HSDL2: variants seen among roughly 807,000 people sequenced by gnomAD.
HSDL2 encodes hydroxysteroid dehydrogenase like 2.
HSDL2 carries 27 observed loss-of-function variants against 46.3 expected under a neutral mutation model. The observed-to-expected ratio is 0.58, with a 90% CI of 0.43 to 0.80. The LOEUF (loss-of-function observed/expected upper bound fraction) is 0.80, where lower values mean the gene tolerates loss of function less well. Among genes scored for constraint, HSDL2 ranks in the 30% least tolerant of loss-of-function variants. The pLI, the probability that HSDL2 is intolerant of heterozygous loss-of-function variation, is 0.00. For synonymous variants in HSDL2, 153 were observed against 163.6 expected (o/e 0.94, Z 0.50); for missense variants, 451 against 502.7 (o/e 0.90, Z 0.98).
At chr9:112,396,903 A>G (rs1186475478) in intron 1 of HSDL2, among the ~76,000 whole-genome samples, 8 of 152,104 alleles carry the variant, frequency 5.3e-5, no homozygotes, top group Admixed American at 4.6e-4. Flanking sequence ...GGACCGCTTG[A>G]AGCAGAAATG....
At chr9:112,450,261 C>G (rs11788481) in intron 8 of HSDL2, among the ~76,000 whole-genome samples, 1 of 130,208 alleles carries the variant, frequency 7.7e-6, no homozygotes, top group African/African-American at 3.1e-5. Context: ...GAGACCCCCC[C>G]CCCATCTCTA....
intron 1 of HSDL2, among the ~76,000 whole-genome samples, chr9:112,398,691 A>G (rs1249160833): frequency 2.6e-5 from 4 of 152,090 alleles, no homozygotes; most frequent in Non-Finnish European, 5.9e-5. Context: ...AGCACTTACC[A>G]AGGCCCAATC....
chr9:112,397,140 G>A (rs979253849), intron 1 of HSDL2, among the ~76,000 whole-genome samples: 1 of 152,152 alleles, frequency 6.6e-6, no homozygotes, highest in Non-Finnish European at 1.5e-5. Context: ...TAATGGTGCA[G>A]TTTGTTCGAG....
At position 112,404,163 on chromosome 9, in the gene HSDL2, G is replaced by A. The variant is rs1416833715; in HGVS notation, c.181+5G>A. The A allele has an allele frequency of 1.9e-6, 3 of 1,612,658 alleles. No homozygotes were observed. Among genetic ancestry groups the A allele is most frequent in the Admixed American group, 3.3e-5 (2 of 59,836 alleles). ...TCTATACTGCTGCTGAAGAAAGTGA[G>A]TGTGACAGTGCCATTTGATAAAATG... is the stretch of plus-strand genomic sequence containing the variant. On this transcript the variant is annotated splice_donor_5th_base_variant and intron_variant, in intron 2 of 10. Transcript: ENST00000398805.
intron 4 of HSDL2, among the ~76,000 whole-genome samples, chr9:112,413,567 T>G: frequency 6.6e-6 from 1 of 152,204 alleles, no homozygotes. Flanking sequence ...ACAGAACACA[T>G]TTCTTTTTTA....
At chr9:112,443,883 CAGA>C (rs1832695313) in intron 8 of HSDL2, among the ~76,000 whole-genome samples, 2 of 152,338 alleles carry the variant, frequency 1.3e-5, no homozygotes, top group South Asian at 4.1e-4. Context: ...GAATCATAGT[CAGA>C]AGGTCATTTC....
chr9:112,442,107 T>TA, intron 8 of HSDL2, among the ~76,000 whole-genome samples: 1 of 149,172 alleles, frequency 6.7e-6, no homozygotes, highest in African/African-American at 2.5e-5. Flanking sequence ...ACAAAAAAAA[T>TA]ACAAAAAAAA....
At chr9:112,469,928 G>A (rs1833522418) in intron 10 of HSDL2, 1 of 152,232 alleles carries the variant, frequency 6.6e-6, no homozygotes, top group African/African-American at 2.4e-5. Flanking sequence ...CTATTTTAAT[G>A]CTTACATTTT....
intron 10 of HSDL2, 111 bp from the exon 11 acceptor site, chr9:112,470,321 T>A (rs567807964): frequency 1.5e-5 from 9 of 586,106 alleles, no homozygotes; most frequent in Non-Finnish European, 2.7e-5. Flanking sequence ...TTTCTATGCT[T>A]CTGAGGTTTA....
chr9:112,405,197 G>C (rs1053255767), intron 2 of HSDL2, among the ~76,000 whole-genome samples: 5 of 152,114 alleles, frequency 3.3e-5, no homozygotes, highest in Admixed American at 1.3e-4. Context: ...ACAAAAAATA[G>C]AAAAATTAGC....
Position 112,438,593 on chromosome 9 carries a change from T to C in HSDL2, c.761T>C (p.Ile254Thr). Residue 254 changes from isoleucine to threonine, a missense_variant, in exon 7 of 11, where the codon ATA becomes ACA. Coordinates refer to ENST00000398805, the MANE Select transcript of HSDL2 (RefSeq NM_032303.5). Reference protein sequence around the residue: ...IDENILKEEGIENFDVYAIKP... With the variant: ...IDENILKEEGTENFDVYAIKP... ...GAAAATATCTTAAAAGAAGAAGGAA[T>C]AGAAAATTTTGACGTTTATGCAATT... 6 of 1,602,532 alleles carry C rather than the reference T, an allele frequency of 3.7e-6. No individual in the cohort carries two copies. Among genetic ancestry groups the C allele is most frequent in the South Asian group, 1.1e-5 (1 of 88,698 alleles).
At chr9:112,409,690 A>G (rs1831815589) in intron 4 of HSDL2, among the ~76,000 whole-genome samples, 2 of 152,076 alleles carry the variant, frequency 1.3e-5, no homozygotes, top group South Asian at 4.1e-4. Flanking sequence ...TTTTAAAATC[A>G]GGCAGGCATA....
intron 3 of HSDL2, among the ~76,000 whole-genome samples, chr9:112,406,672 A>G (rs765220956): frequency 4.6e-5 from 7 of 151,980 alleles, no homozygotes; most frequent in Non-Finnish European, 8.8e-5. Flanking sequence ...GTTTCGCCAC[A>G]TTGGCCAGGC....
intron 8 of HSDL2, among the ~76,000 whole-genome samples, chr9:112,448,521 CTCCTTTCT>C (rs1832797193): frequency 1.6e-3 from 2 of 1,244 alleles, no homozygotes; most frequent in Admixed American, 0.011. Context: ...TCTTTCTTTC[CTCCTTTCT>C]TTCTTTCCTT....
At chr9:112,462,600 A>ATGTGTGTG (rs3032131) in intron 10 of HSDL2, among the ~76,000 whole-genome samples, 20 of 146,630 alleles carry the variant, frequency 1.4e-4, no homozygotes, top group Non-Finnish European at 2.7e-4. Context: ...GAGGAGGGGG[A>ATGTGTGTG]TGTGTGTGTG....
At chr9:112,380,991 G>C (rs561382344) in intron 1 of HSDL2, among the ~76,000 whole-genome samples, 1 of 152,124 alleles carries the variant, frequency 6.6e-6, no homozygotes, top group Admixed American at 6.5e-5. Flanking sequence ...AAAGAGTATA[G>C]GGTAAAAAGT....
At chr9:112,460,167 C>T (rs1460090277) in intron 10 of HSDL2, among the ~76,000 whole-genome samples, 2 of 152,164 alleles carry the variant, frequency 1.3e-5, no homozygotes, top group Non-Finnish European at 2.9e-5. Flanking sequence ...TTAATTAACT[C>T]AAATTCTAAA....
At chr9:112,411,291 G>A (rs181997498) in intron 4 of HSDL2, among the ~76,000 whole-genome samples, 252 of 152,354 alleles carry the variant, frequency 1.7e-3, no homozygotes, top group African/African-American at 5.8e-3. Flanking sequence ...AAGCTTACTT[G>A]TTTGTAGATG....
intron 6 of HSDL2, 100 bp downstream of exon 6, chr9:112,419,058 G>GA (rs1222749617): frequency 2.0e-5 from 12 of 589,020 alleles, no homozygotes; most frequent in Non-Finnish European, 3.3e-5. Flanking sequence ...ATCCAGGCTG[G>GA]AGTGCAGTGG....
Sources: allele counts gnomAD v4.1 joint callset (sites outside exome capture counted in the v4.1 genomes callset), GRCh38; gene constraint gnomAD v4.1.1; transcripts MANE v1.5; gene names NCBI Gene and HGNC (gene_info 2026-07-23, HGNC 2026-07-21).